SORL1: variants seen among roughly 807,000 people sequenced by gnomAD.
SORL1 encodes the protein sortilin related receptor 1.
SORL1 carries 127 observed loss-of-function variants against 273.7 expected under a neutral mutation model. That is an observed-to-expected ratio of 0.46 (90% CI 0.40 to 0.54). The LOEUF is 0.54. SORL1 is among the 20% of genes least tolerant of loss of function. The probability of loss-of-function intolerance (pLI) is 0.00; values close to 1 mark genes in which losing one functional copy is unlikely to be tolerated. For synonymous variants in SORL1, 1,031 were observed against 1,067.4 expected (o/e 0.97, Z 0.66); for missense variants, 2,494 against 2,846.1 (o/e 0.88, Z 2.81).
chr11:121,532,635 A>G, intron 12 of SORL1, 83 bp downstream of exon 12: 1 of 1,205,968 alleles, frequency 8.3e-7, no homozygotes, highest in Non-Finnish European at 1.2e-6. Context: ...TTATCTCTCT[A>G]TAGCACTATG....
intron 8 of SORL1, among the ~76,000 whole-genome samples, chr11:121,519,461 G>T (rs1277075053): frequency 6.6e-6 from 1 of 151,768 alleles, no homozygotes; most frequent in Non-Finnish European, 1.5e-5. Context: ...AGGCTGGTTG[G>T]AGTGCAGTGG....
intron 38 of SORL1, chr11:121,610,843 G>A (rs768934902): frequency 2.4e-6 from 1 of 421,904 alleles, no homozygotes; most frequent in East Asian, 4.1e-5. Flanking sequence ...TGACCTAATT[G>A]CCAGGATAGC....
At chr11:121,586,148 C>T (rs1863102564) in intron 26 of SORL1, 74 bp from the exon 27 acceptor site, 1 of 1,211,476 alleles carries the variant, frequency 8.3e-7, no homozygotes, top group Non-Finnish European at 1.2e-6. Context: ...AGTGTGTACT[C>T]CCGCCAGCAC....
Position 121,553,917 on chromosome 11 carries a change from G to A in SORL1, c.2267-20G>A, listed in dbSNP as rs371079966. On this transcript the variant is annotated intron_variant, in intron 16 of 47. Coordinates refer to ENST00000260197, the MANE Select transcript of SORL1 (RefSeq NM_003105.6). ...GCATCCCCTGGGTCCAACCTCCCAC[G>A]TGTCTTGTGTGTCTGGCAGAAGAGA... is the stretch of plus-strand genomic sequence containing the variant. 4.0e-5 allele frequency: 65 copies of A among 1,605,890 alleles called. 1 individual carries two copies. The South Asian group carries it at 5.7e-4, about 14-fold the overall frequency.
intron 40 of SORL1, 81 bp from the exon 41 acceptor site, chr11:121,614,790 T>G (rs12273171): frequency 9.0e-7 from 1 of 1,114,662 alleles, no homozygotes; most frequent in African/African-American, 1.6e-5. Flanking sequence ...TATTTTTTTT[T>G]AAAAAAGTGC....
At chr11:121,486,480 C>CTTTTT (rs551145449) in intron 3 of SORL1, among the ~76,000 whole-genome samples, 1 of 138,938 alleles carries the variant, frequency 7.2e-6, no homozygotes. Flanking sequence ...TTCTTTCTTT[C>CTTTTT]TTTTTTTTTT....
chr11:121,456,004 A>AG (rs1179880098), intron 1 of SORL1, among the ~76,000 whole-genome samples: 1 of 152,082 alleles, frequency 6.6e-6, no homozygotes, highest in Non-Finnish European at 1.5e-5. Context: ...AAAAAAAAAA[A>AG]AAAAAGGCAA....
chr11:121,607,205 G>A lies in SORL1; in HGVS notation c.5081G>A (p.Gly1694Asp). ...REYIVEYSRS[G>D]SKMWASQRAA... Reference sequence around the variant, plus strand: ...CTTTAGGTAGAATACAGCAGGAGTGGTTCCAAGATGTGGGCCTCCCAGAGG... The same window carrying A: ...CTTTAGGTAGAATACAGCAGGAGTGATTCCAAGATGTGGGCCTCCCAGAGG... Residue 1694 changes from glycine to aspartate, a missense_variant, in exon 37 of 48, where the codon GGT (glycine) becomes GAT (aspartate). By Grantham distance (94) the Gly-to-Asp change is moderately conservative. This residue lies in a region of SORL1 where 1,609 missense variants were observed against 1,816.4 expected (regional missense o/e 0.89). Coordinates refer to ENST00000260197, the MANE Select transcript of SORL1 (RefSeq NM_003105.6). 1 of 1,610,230 alleles carries A rather than the reference G, an allele frequency of 6.2e-7. No homozygotes were observed. The highest frequency in any genetic ancestry group is 8.5e-7 in the Non-Finnish European group (1 of 1,176,540).
At chr11:121,456,709 A>G (rs557993651) in intron 1 of SORL1, among the ~76,000 whole-genome samples, 7 of 152,336 alleles carry the variant, frequency 4.6e-5, no homozygotes, top group Non-Finnish European at 1.0e-4. Flanking sequence ...TAAAGCACAA[A>G]GCCTAACAGG....
rs1035930687 is a variant in SORL1 at position 121,517,030 on chromosome 11, C to T, written c.1211+2709C>T. ...TCGTGCTACTGCACTTCAGCCTGGG[C>T]GACAGAGCGAGACTCTGTCTCAAAA... On this transcript the variant is annotated intron_variant, in intron 8 of 47. Coordinates refer to ENST00000260197, the MANE Select transcript of SORL1 (RefSeq NM_003105.6). Among the ~76,000 whole-genome samples, 13 of 151,332 alleles carry T rather than the reference C, an allele frequency of 8.6e-5. No individual in the cohort carries two copies. The East Asian group carries it at 1.7e-3, about 20-fold the overall frequency.
chr11:121,464,686 G>A (rs1380569198), intron 1 of SORL1, among the ~76,000 whole-genome samples: 3 of 152,190 alleles, frequency 2.0e-5, no homozygotes, highest in Non-Finnish European at 4.4e-5. Flanking sequence ...ATGCCGAGGC[G>A]AGTCAAGGTG....
At chr11:121,540,879 C>T (rs904924365) in intron 12 of SORL1, among the ~76,000 whole-genome samples, 1 of 152,218 alleles carries the variant, frequency 6.6e-6, no homozygotes, top group Admixed American at 6.5e-5. Flanking sequence ...GCAACGTACA[C>T]ATAGATAGAC....
chr11:121,467,746 G>A (rs181651550), intron 1 of SORL1, among the ~76,000 whole-genome samples: 3 of 152,226 alleles, frequency 2.0e-5, no homozygotes, highest in East Asian at 1.9e-4. Flanking sequence ...TTCAGCGACC[G>A]GAGGAGATTC....
chr11:121,579,424 A>G lies in SORL1; in HGVS notation c.3580+2024A>G, dbSNP rs544790047. ...TGACCTCCTGTTGGCATCAGCTTGGATGCGCACTCTGCTGTGCGTCCTCTT... is the reference window on the plus strand; with the variant it reads ...TGACCTCCTGTTGGCATCAGCTTGGGTGCGCACTCTGCTGTGCGTCCTCTT... On this transcript the variant is annotated intron_variant, in intron 25 of 47. Transcript: ENST00000260197. Among the ~76,000 whole-genome samples the G allele has an allele frequency of 5.3e-5, 8 of 152,368 alleles. No individual in the cohort carries two copies. The South Asian group carries it at 8.3e-4, about 16-fold the overall frequency.
Position 121,621,227 on chromosome 11 carries a change from A to C in SORL1, c.6053A>C (p.Lys2018Thr), listed in dbSNP as rs1438016923. 1 of 1,614,032 alleles carries C rather than the reference A, an allele frequency of 6.2e-7. No individual in the cohort carries two copies. The highest frequency in any genetic ancestry group is 1.7e-5 in the Admixed American group (1 of 60,008). The change falls in exon 44 of 48, where the codon AAA (lysine) becomes ACA (threonine). Residue 2018 changes from lysine to threonine, a missense_variant. This residue lies in a region of SORL1 where 1,609 missense variants were observed against 1,816.4 expected (regional missense o/e 0.89). Coordinates refer to ENST00000260197, the MANE Select transcript of SORL1 (RefSeq NM_003105.6). ...LGNMSKDSSI[K>T]ITTVSLSAPD... ...AACATGAGCAAAGATTCCAGCATAA[A>C]AATTACCACAGGTAAGCAGGAGAGA...
intron 19 of SORL1, among the ~76,000 whole-genome samples, chr11:121,557,848 C>A (rs1261331989): frequency 3.9e-5 from 6 of 152,176 alleles, no homozygotes; most frequent in African/African-American, 1.4e-4. Flanking sequence ...TTTATTAACT[C>A]ATTAACTGAA....
chr11:121,490,005 A>G (rs376947171), intron 4 of SORL1, 38 bp from the exon 5 acceptor site: 12 of 1,512,990 alleles, frequency 7.9e-6, no homozygotes, highest in Non-Finnish European at 1.1e-5. Context: ...AGGTTGTATT[A>G]TACATGCCTC....
At chr11:121,510,220 A>G (rs1861855705) in intron 6 of SORL1, among the ~76,000 whole-genome samples, 2 of 152,262 alleles carry the variant, frequency 1.3e-5, no homozygotes, top group Non-Finnish European at 2.9e-5. Context: ...AACAGCATTT[A>G]TATCATGATC....
intron 6 of SORL1, among the ~76,000 whole-genome samples, chr11:121,506,743 A>G (rs976075807): frequency 1.3e-5 from 2 of 152,176 alleles, no homozygotes; most frequent in Admixed American, 6.6e-5. Flanking sequence ...TCTTTTATGC[A>G]TTCTTTTAAT....
Sources: gnomAD v4.1 joint callset for allele counts (sites outside exome capture counted in the v4.1 genomes callset) on GRCh38, gnomAD v4.1.1 for gene constraint, gnomAD v4.1.1 regional missense constraint, MANE v1.5 for transcripts, NCBI Gene and HGNC (gene_info 2026-07-23, HGNC 2026-07-21) for gene names.